CORIN: variants seen among roughly 807,000 people sequenced by gnomAD.
CORIN encodes the protein corin, serine peptidase.
CORIN carries 117 observed loss-of-function variants against 125.3 expected under a neutral mutation model. That is an observed-to-expected ratio of 0.93 (90% CI 0.80 to 1.09). The LOEUF is 1.09. CORIN is among the 50% of genes least tolerant of loss of function. The pLI is 0.00. For missense variants in CORIN, 1,253 were observed against 1,306.7 expected, an observed-to-expected ratio of 0.96 and a Z score of 0.63; for synonymous variants, 450 against 466.4, an observed-to-expected ratio of 0.96 and a Z score of 0.45.
At chr4:47,629,540 GTTTTCTTCTCCTATCATA>G (rs528474958) in intron 16 of CORIN, among the ~76,000 whole-genome samples, 154 of 152,202 alleles carry the variant, frequency 1.0e-3, no homozygotes, top group Non-Finnish European at 1.9e-3. Context: ...TGATAAAGTT[GTTTTCTTCTCCTATCATA>G]TCAACAATTA....
chr4:47,637,455 A>C (rs544988501), intron 16 of CORIN, among the ~76,000 whole-genome samples: 1 of 152,334 alleles, frequency 6.6e-6, no homozygotes, highest in East Asian at 1.9e-4. Flanking sequence ...ACAGGCCCAG[A>C]GGCCTAGGAG....
chr4:47,673,364 A>C (rs949355897), intron 10 of CORIN, among the ~76,000 whole-genome samples: 1 of 151,310 alleles, frequency 6.6e-6, no homozygotes, highest in African/African-American at 2.4e-5. Context: ...TGACAGAGCC[A>C]GACTCTGTCT....
intron 7 of CORIN, 166 bp from the exon 8 acceptor site, chr4:47,680,417 C>G: frequency 5.3e-6 from 3 of 571,198 alleles, no homozygotes; most frequent in Non-Finnish European, 9.4e-6. Flanking sequence ...GCCCTCCCCA[C>G]TCATGTGCCC....
At chr4:47,786,005 C>A (rs972765493) in intron 3 of CORIN, among the ~76,000 whole-genome samples, 8 of 151,664 alleles carry the variant, frequency 5.3e-5, no homozygotes, top group African/African-American at 1.9e-4. Flanking sequence ...AAGGGACCAA[C>A]CACAAAGTCA....
intron 15 of CORIN, 64 bp from the exon 16 acceptor site, chr4:47,642,113 CT>C: frequency 6.6e-7 from 1 of 1,526,608 alleles, no homozygotes; most frequent in Non-Finnish European, 9.0e-7. Flanking sequence ...AAGCACATAA[CT>C]TTACATGCCT....
intron 10 of CORIN, 93 bp from the exon 11 acceptor site, chr4:47,665,356 T>C: frequency 1.1e-6 from 1 of 879,234 alleles, no homozygotes; most frequent in Non-Finnish European, 1.8e-6. Flanking sequence ...TTTTATTCTT[T>C]CTTTAGAGTA....
chr4:47,682,314 C>T (rs1304822339), intron 7 of CORIN: 2 of 151,960 alleles, frequency 1.3e-5, no homozygotes, highest in African/African-American at 4.8e-5. Flanking sequence ...TGGTGGCACA[C>T]ACCTGTAGTC....
intron 1 of CORIN, among the ~76,000 whole-genome samples, chr4:47,807,497 A>G (rs1170522960): frequency 6.6e-6 from 1 of 152,200 alleles, no homozygotes; most frequent in Non-Finnish European, 1.5e-5. Flanking sequence ...AGTCTAAACC[A>G]AATGTGAATG....
chr4:47,680,202 G>A lies in CORIN; in HGVS notation c.1071C>T (p.Ala357=). 1 of 1,614,016 alleles carries A rather than the reference G, an allele frequency of 6.2e-7. No homozygotes were observed. The highest frequency in any genetic ancestry group is 1.3e-5 in the African/African-American group (1 of 75,046). The change falls in exon 8 of 22, where the codon GCC becomes GCT. Residue 357 remains alanine, a synonymous_variant. Transcript: ENST00000273857. Reference sequence around the variant, plus strand: ...GGTCACCATCACACACCCACTCCATGGCGATGCAGCGCCCGTCCCCGCAGC... The same window carrying A: ...GGTCACCATCACACACCCACTCCATAGCGATGCAGCGCCCGTCCCCGCAGC... ...EHRCGDGRCI[A]MEWVCDGDHD...
intron 14 of CORIN, 96 bp from the exon 15 acceptor site, chr4:47,643,352 AAAG>A: frequency 8.7e-7 from 1 of 1,145,952 alleles, no homozygotes; most frequent in Non-Finnish European, 1.2e-6. Flanking sequence ...AGGAGCATGG[AAAG>A]AAGAAAATAT....
chr4:47,682,668 T>C (rs1275995504), intron 7 of CORIN: 2 of 152,182 alleles, frequency 1.3e-5, no homozygotes, highest in African/African-American at 2.4e-5. Flanking sequence ...CTAATTACCC[T>C]GATTTGATCA....
intron 5 of CORIN, among the ~76,000 whole-genome samples, chr4:47,719,055 G>C (rs1286293957): frequency 6.6e-6 from 1 of 152,140 alleles, no homozygotes; most frequent in African/African-American, 2.4e-5. Flanking sequence ...CCAAGCTCTT[G>C]TCTCTGCAGC....
chr4:47,642,955 A>G (rs1466220092), intron 15 of CORIN, 191 bp downstream of exon 15: 2 of 1,535,520 alleles, frequency 1.3e-6, no homozygotes, highest in East Asian at 4.9e-5. Flanking sequence ...CAAATAGAGA[A>G]GTAGCTTCGT....
intron 2 of CORIN, among the ~76,000 whole-genome samples, chr4:47,789,630 C>G (rs1024451745): frequency 1.3e-5 from 2 of 152,180 alleles, no homozygotes; most frequent in African/African-American, 4.8e-5. Context: ...AGCTGACCAA[C>G]TCCCAACACG....
In CORIN at chr4:47,600,343, T is replaced by C; in HGVS notation, c.2817A>G (p.Pro939=). ...GGACCTCTCCCTCTTGCAGCTTAAA[T>C]GGCACTGAATTTTTAAAAAATAAGA... ...TGWGHMGNKM[P]FKLQEGEVRI... is the part of the protein sequence containing the mutation. The change falls in exon 21 of 22, where the codon CCA becomes CCG. Residue 939 remains proline, a synonymous_variant. Transcript: ENST00000273857. The C allele has an allele frequency of 1.2e-6, 2 of 1,610,652 alleles. No individual in the cohort carries two copies. Among genetic ancestry groups the C allele is most frequent in the Non-Finnish European group, 1.7e-6 (2 of 1,178,332 alleles).
chr4:47,657,697 A>T, intron 12 of CORIN, among the ~76,000 whole-genome samples: 1 of 151,784 alleles, frequency 6.6e-6, no homozygotes, highest in East Asian at 1.9e-4. Flanking sequence ...GTGAAGGGGG[A>T]GCAGGCACGT....
chr4:47,817,295 AAT>A (rs5858089), intron 1 of CORIN, among the ~76,000 whole-genome samples: 88,874 of 147,884 alleles, frequency 0.6, 27,570 homozygotes, highest in East Asian at 0.89. Context: ...TATATAACAA[AAT>A]ATATATATAT....
intron 14 of CORIN, among the ~76,000 whole-genome samples, chr4:47,643,738 T>C (rs1308689277): frequency 2.0e-5 from 3 of 152,186 alleles, no homozygotes; most frequent in African/African-American, 7.2e-5. Context: ...GTAAATCTCC[T>C]TGATTGCCTA....
intron 9 of CORIN, 31 bp downstream of exon 9, chr4:47,677,907 G>T (rs2109705897): frequency 1.4e-6 from 2 of 1,447,798 alleles, no homozygotes; most frequent in East Asian, 4.5e-5. Context: ...CACCAGTAAA[G>T]GAATGTTCTG....
Sources: gnomAD v4.1 joint callset for allele counts (sites outside exome capture counted in the v4.1 genomes callset) on GRCh38, gnomAD v4.1.1 for gene constraint, MANE v1.5 for transcripts, NCBI Gene and HGNC (gene_info 2026-07-23, HGNC 2026-07-21) for gene names.